NR5A2: variants seen among roughly 807,000 people sequenced by gnomAD.
NR5A2 encodes nuclear receptor subfamily 5 group A member 2, also known as CYP7A promoter-binding factor.
NR5A2 carries 26 observed loss-of-function variants against 62.7 expected under a neutral mutation model. That is an observed-to-expected ratio of 0.41 (90% CI 0.30 to 0.58). The LOEUF (loss-of-function observed/expected upper bound fraction) is 0.58. Ranked by LOEUF, NR5A2 falls within the 20% of genes least tolerant of loss-of-function variation. The probability of loss-of-function intolerance (pLI) is 0.22; values close to 1 mark genes in which losing one functional copy is unlikely to be tolerated. For missense variants in NR5A2, 541 were observed against 669.1 expected (o/e 0.81, Z 2.11); for synonymous variants, 246 against 241.7 (o/e 1.02, Z -0.16).
chr1:200,146,831 C>A (rs944566279), intron 7 of NR5A2, among the ~76,000 whole-genome samples: 1 of 152,070 alleles, frequency 6.6e-6, no homozygotes. Context: ...TAAGTTTTTA[C>A]TGATTAAAAA....
chr1:200,053,247 G>A (rs1307706875), intron 5 of NR5A2, among the ~76,000 whole-genome samples: 1 of 152,146 alleles, frequency 6.6e-6, no homozygotes, highest in African/African-American at 2.4e-5. Context: ...TAACACACTT[G>A]TAAAGGACAA....
In NR5A2 at chr1:200,133,526, T is replaced by TATATATATATATATATATAC. The variant is rs1416690757; in HGVS notation, c.1378+12572_1378+12573insTATATATATATATATATACA. On this transcript the variant is annotated intron_variant, in intron 7 of 7. Transcript: ENST00000367362. ...TGGACTATATATATATATATATATA[T>TATATATATATATATATATAC]ACACACACATATATATATATACACA... Among the ~76,000 whole-genome samples the TATATATATATATATATATAC allele has an allele frequency of 1.5e-4, 13 of 87,408 alleles. 1 individual carries two copies. In the East Asian group the frequency reaches 2.1e-3, roughly 14 times the overall value. The allele number at this position is 87,408 out of a possible 152,430, so 57.3% of individuals were successfully genotyped here.
chr1:200,054,663 G>A lies in NR5A2; in HGVS notation c.1110+5845G>A, dbSNP rs536203941. The stretch of plus-strand genomic sequence containing the variant: ...TGTGCCAAAGGAATTTAGCCATGCT[G>A]AAGTTGGTTTTTAAGTATAGCTTTA... On this transcript the variant is annotated intron_variant, in intron 5 of 7. Transcript: ENST00000367362. Among the ~76,000 whole-genome samples, 8 of 152,324 alleles carry A rather than the reference G, an allele frequency of 5.3e-5. No individual in the cohort carries two copies. The East Asian group carries it at 1.2e-3, about 22-fold the overall frequency.
intron 6 of NR5A2, among the ~76,000 whole-genome samples, chr1:200,114,859 G>A (rs191678422): frequency 2.0e-4 from 30 of 152,308 alleles, no homozygotes; most frequent in African/African-American, 6.7e-4. Flanking sequence ...GCTAGAGTTT[G>A]TGTTCTTTAC....
intron 1 of NR5A2, chr1:200,029,215 C>A (rs756916386): frequency 8.2e-6 from 2 of 242,748 alleles, no homozygotes; most frequent in South Asian, 4.3e-5. Flanking sequence ...ACGCGGACTG[C>A]GCGCGCACGG....
In NR5A2 at chr1:200,039,561, G is replaced by A. The variant is rs1459976756; in HGVS notation, c.65-97G>A. 3 of 1,565,804 alleles carry A rather than the reference G, an allele frequency of 1.9e-6. No individual in the cohort carries two copies. The highest frequency in any genetic ancestry group is 3.5e-5 in the Admixed American group (2 of 57,752). On this transcript the variant is annotated intron_variant, in intron 1 of 7. Coordinates refer to ENST00000367362, the MANE Select transcript of NR5A2 (RefSeq NM_205860.3). The surrounding 1 kb of genome is among the most constrained non-coding windows in gnomAD (Gnocchi z 5.1). ...TGCCCGGCAGCCCCGAGGAGGCGGAGGCACGCTCCGGCGAGGCGAGAGGGT... is the reference window on the plus strand; with the variant it reads ...TGCCCGGCAGCCCCGAGGAGGCGGAAGCACGCTCCGGCGAGGCGAGAGGGT...
At chr1:200,142,245 G>A (rs1216892464) in intron 7 of NR5A2, among the ~76,000 whole-genome samples, 1 of 131,252 alleles carries the variant, frequency 7.6e-6, no homozygotes, top group Non-Finnish European at 1.5e-5. Flanking sequence ...TGTTGCCCAG[G>A]CTAGAGTGCA....
chr1:200,123,748 TA>T lies in NR5A2; in HGVS notation c.1378+2795del, dbSNP rs1322891607. On this transcript the variant is annotated intron_variant, in intron 7 of 7. Coordinates refer to ENST00000367362, the MANE Select transcript of NR5A2 (RefSeq NM_205860.3). ...AAGTTTTATTTTTATTTTACTTATT[TA>T]ATTTTTTTTTTTTTTTGCTTTTATT... Among the ~76,000 whole-genome samples the T allele has an allele frequency of 2.1e-4, 12 of 56,508 alleles. 1 individual carries two copies. The highest frequency in any genetic ancestry group is 6.4e-4 in the African/African-American group (11 of 17,284). 37.1% of individuals were successfully genotyped at this position (56,508 alleles called of 152,430 possible). A position where few individuals can be genotyped will look rare whatever the true frequency, so the allele number is the denominator to read the frequency against.
intron 5 of NR5A2, among the ~76,000 whole-genome samples, chr1:200,053,013 A>C (rs1224878298): frequency 6.6e-6 from 1 of 152,216 alleles, no homozygotes; most frequent in Non-Finnish European, 1.5e-5. Flanking sequence ...TCATTTGTTT[A>C]CTAGTTAAGG....
intron 5 of NR5A2, among the ~76,000 whole-genome samples, chr1:200,091,795 T>C (rs1664830678): frequency 6.6e-6 from 1 of 152,156 alleles, no homozygotes; most frequent in African/African-American, 2.4e-5. Flanking sequence ...CTTTGCCATC[T>C]TAGTTATTGT....
At chr1:200,094,948 G>C (rs1335851622) in intron 5 of NR5A2, among the ~76,000 whole-genome samples, 1 of 152,016 alleles carries the variant, frequency 6.6e-6, no homozygotes, top group Non-Finnish European at 1.5e-5. Flanking sequence ...AGTTCTCATA[G>C]ATAGAAAAGA....
chr1:200,073,873 A>G (rs1169467330), intron 5 of NR5A2, among the ~76,000 whole-genome samples: 1 of 152,156 alleles, frequency 6.6e-6, no homozygotes, highest in Admixed American at 6.5e-5. Context: ...CTGCTGGGAG[A>G]CAGACTTTTG....
intron 7 of NR5A2, among the ~76,000 whole-genome samples, chr1:200,139,184 C>A (rs552333915): frequency 6.6e-6 from 1 of 152,256 alleles, no homozygotes; most frequent in East Asian, 1.9e-4. Flanking sequence ...CAAACCTTTT[C>A]TGTAGTTAAT....
chr1:200,150,260 G>A (rs545248156), intron 7 of NR5A2, among the ~76,000 whole-genome samples: 9 of 152,314 alleles, frequency 5.9e-5, no homozygotes, highest in African/African-American at 2.2e-4. Context: ...GACATTTAGT[G>A]GAGGAAATAT....
intron 1 of NR5A2, among the ~76,000 whole-genome samples, chr1:200,037,439 T>G (rs1661832977): frequency 6.6e-6 from 1 of 152,204 alleles, no homozygotes; most frequent in African/African-American, 2.4e-5. Context: ...GTATCATAAG[T>G]GCACCCATAA....
intron 7 of NR5A2, among the ~76,000 whole-genome samples, chr1:200,166,224 A>G (rs1038495761): frequency 6.6e-6 from 1 of 152,160 alleles, no homozygotes; most frequent in Non-Finnish European, 1.5e-5. Context: ...TAAACCATGT[A>G]TACAAAAAAA....
At chr1:200,052,466 A>G (rs939953898) in intron 5 of NR5A2, among the ~76,000 whole-genome samples, 2 of 152,258 alleles carry the variant, frequency 1.3e-5, no homozygotes, top group Non-Finnish European at 1.5e-5. Context: ...GATTACAGAC[A>G]GGAGCCATTG....
intron 7 of NR5A2, among the ~76,000 whole-genome samples, chr1:200,153,031 C>T (rs974401854): frequency 1.3e-5 from 2 of 152,232 alleles, no homozygotes; most frequent in African/African-American, 4.8e-5. Flanking sequence ...GTGTCCCTGA[C>T]AATTAAAACA....
At chr1:200,138,323 C>T (rs1287844688) in intron 7 of NR5A2, among the ~76,000 whole-genome samples, 2 of 152,146 alleles carry the variant, frequency 1.3e-5, no homozygotes, top group Non-Finnish European at 2.9e-5. Context: ...TCTATTTTTC[C>T]ATGTCATCAC....
Sources: gnomAD v4.1 joint callset for allele counts (sites outside exome capture counted in the v4.1 genomes callset) on GRCh38, gnomAD v4.1.1 for gene constraint, Gnocchi (gnomAD v3.1) non-coding constraint, MANE v1.5 for transcripts, NCBI Gene and HGNC (gene_info 2026-07-23, HGNC 2026-07-21) for gene names.